Variants in TTC23 observed in about 807,000 individuals in gnomAD.
The protein encoded by TTC23 is tetratricopeptide repeat protein 23.
TTC23 carries 58 observed loss-of-function variants against 55.1 expected under a neutral mutation model. The observed-to-expected ratio is 1.05, with a 90% CI of 0.85 to 1.31. TTC23 has a LOEUF of 1.31. Ranked by LOEUF, TTC23 falls within the 50% of genes most tolerant of loss-of-function variation. The pLI is 0.00. For synonymous variants in TTC23, 203 were observed against 199.9 expected (o/e 1.02, Z -0.13); for missense variants, 516 against 534.4 (o/e 0.97, Z 0.34).
chr15:99,209,688 CA>C (rs2076885954), intron 8 of TTC23, among the ~76,000 whole-genome samples: 1 of 152,084 alleles, frequency 6.6e-6, no homozygotes, highest in African/African-American at 2.4e-5. Context: ...AAAAGCCTGA[CA>C]CAGAAGGTGG....
intron 9 of TTC23, among the ~76,000 whole-genome samples, chr15:99,190,028 A>C (rs2075093841): frequency 1.3e-5 from 2 of 152,016 alleles, no homozygotes; most frequent in Non-Finnish European, 2.9e-5. Flanking sequence ...AAAATATACA[A>C]AAATTAGCTG....
In TTC23 at chr15:99,137,497, C is replaced by CT. The variant is rs2067685500; in HGVS notation, c.*512dup. On this transcript the variant is annotated 3_prime_UTR_variant, in exon 14 of 14. Transcript: ENST00000394132. ...ACCCCTTTTCAGGCTCCGAAGAACT[C>CT]TGAGGCAGGCTGCACTTTGAAAACA... 6.6e-6 allele frequency: 1 copy of CT among 152,472 alleles called. No individual in the cohort carries two copies. Among genetic ancestry groups the CT allele is most frequent in the Non-Finnish European group, 1.5e-5 (1 of 68,204 alleles). 9.4% of individuals were successfully genotyped at this position (152,472 alleles called of 1,614,324 possible). A position where few individuals can be genotyped will look rare whatever the true frequency, so the allele number is the denominator to read the frequency against.
chr15:99,234,402 G>A (rs759781461), intron 4 of TTC23, among the ~76,000 whole-genome samples: 20 of 152,034 alleles, frequency 1.3e-4, no homozygotes, highest in Non-Finnish European at 2.5e-4. Flanking sequence ...ACGGAGTCTC[G>A]CTCTGTCGCC....
intron 12 of TTC23, chr15:99,155,818 T>C (rs140542901): frequency 1.4e-5 from 5 of 365,444 alleles, no homozygotes; most frequent in African/African-American, 8.2e-5. Flanking sequence ...AGAATGACAA[T>C]TGAAGAAAGT....
chr15:99,217,601 G>A (rs1391505010), intron 8 of TTC23, among the ~76,000 whole-genome samples: 1 of 152,186 alleles, frequency 6.6e-6, no homozygotes, highest in Non-Finnish European at 1.5e-5. Context: ...CGGAGATGAA[G>A]GGAAAAATTA....
chr15:99,144,669 T>C (rs548974523), intron 12 of TTC23: 2 of 152,294 alleles, frequency 1.3e-5, no homozygotes, highest in Non-Finnish European at 2.9e-5. Context: ...GACTCCATAA[T>C]AGAAAATTGA....
chr15:99,207,395 A>T (rs2076709104), intron 8 of TTC23, among the ~76,000 whole-genome samples: 1 of 152,218 alleles, frequency 6.6e-6, no homozygotes, highest in African/African-American at 2.4e-5. Context: ...AATTCACAGA[A>T]CAAGAATTCC....
chr15:99,184,415 C>A (rs2074468473), intron 9 of TTC23, among the ~76,000 whole-genome samples: 1 of 152,218 alleles, frequency 6.6e-6, no homozygotes, highest in African/African-American at 2.4e-5. Context: ...GGCAGAGCTG[C>A]TGAAGGCCCT....
intron 8 of TTC23, among the ~76,000 whole-genome samples, chr15:99,201,485 TA>T (rs1176481477): frequency 6.6e-6 from 1 of 152,178 alleles, no homozygotes; most frequent in East Asian, 1.9e-4. Flanking sequence ...AAATAGGTAT[TA>T]TTTTCACCTC....
intron 8 of TTC23, among the ~76,000 whole-genome samples, chr15:99,206,494 G>C (rs2076639496): frequency 6.6e-6 from 1 of 151,998 alleles, no homozygotes; most frequent in Admixed American, 6.6e-5. Context: ...GTTACTTATT[G>C]GTTTATTCAG....
chr15:99,232,768 C>A (rs1236694213), intron 4 of TTC23, among the ~76,000 whole-genome samples: 1 of 152,110 alleles, frequency 6.6e-6, no homozygotes, highest in Non-Finnish European at 1.5e-5. Flanking sequence ...ACCATATGAT[C>A]CATGAATCCC....
chr15:99,243,910 T>C (rs1449526097), intron 2 of TTC23, among the ~76,000 whole-genome samples: 3 of 152,164 alleles, frequency 2.0e-5, no homozygotes, highest in Non-Finnish European at 4.4e-5. Context: ...TAGTACTTGA[T>C]ATCACAACAG....
At chr15:99,243,231 C>T (rs2079959395) in intron 2 of TTC23, among the ~76,000 whole-genome samples, 1 of 152,128 alleles carries the variant, frequency 6.6e-6, no homozygotes, top group South Asian at 2.1e-4. Context: ...ATGCAAATAA[C>T]CAACAAGTAT....
chr15:99,180,727 C>G (rs1467871071), intron 9 of TTC23, among the ~76,000 whole-genome samples: 5 of 152,088 alleles, frequency 3.3e-5, no homozygotes, highest in Non-Finnish European at 7.3e-5. Context: ...ATATATTTTC[C>G]CCCCACTTTG....
Position 99,172,020 on chromosome 15 carries a change from A to ATT in TTC23, c.865+3028_865+3029dup, listed in dbSNP as rs368669705. The stretch of plus-strand genomic sequence containing the variant: ...TACCCATCTACTTTATGTTTCTCAC[A>ATT]TTTTTTTTTTTTTTGGAGACAGAGT... On this transcript the variant is annotated intron_variant, in intron 10 of 13. Transcript: ENST00000394132. Among the ~76,000 whole-genome samples the ATT allele has an allele frequency of 5.8e-5, 8 of 138,896 alleles. 1 individual carries two copies. The highest frequency in any genetic ancestry group is 7.8e-5 in the African/African-American group (3 of 38,500). 91.1% of individuals were successfully genotyped at this position (138,896 alleles called of 152,430 possible). A position where few individuals can be genotyped will look rare whatever the true frequency, so the allele number is the denominator to read the frequency against.
In TTC23 at chr15:99,137,807, C is replaced by T; in HGVS notation, c.*203G>A. The T allele has an allele frequency of 1.3e-6, 1 of 761,622 alleles. No individual in the cohort carries two copies. Among genetic ancestry groups the T allele is most frequent in the Non-Finnish European group, 2.0e-6 (1 of 494,152 alleles). 47.2% of individuals were successfully genotyped at this position (761,622 alleles called of 1,614,324 possible). A position where few individuals can be genotyped will look rare whatever the true frequency, so the allele number is the denominator to read the frequency against. On this transcript the variant is annotated 3_prime_UTR_variant, in exon 14 of 14. Transcript: ENST00000394132. Reference sequence around the variant, plus strand: ...TAGGTGATAGAAAACTGCTTTATAGCATATATCACCCTGAAGGGCATCCAC... The same window carrying T: ...TAGGTGATAGAAAACTGCTTTATAGTATATATCACCCTGAAGGGCATCCAC...
At chr15:99,228,829 A>T (rs2078684981) in intron 4 of TTC23, 97 bp from the exon 5 acceptor site, 1 of 983,310 alleles carries the variant, frequency 1.0e-6, no homozygotes, top group Non-Finnish European at 1.4e-6. Flanking sequence ...TTTCTTTGAA[A>T]TTAGTAGCAT....
At chr15:99,237,846 A>G (rs2079448486) in intron 3 of TTC23, among the ~76,000 whole-genome samples, 1 of 152,214 alleles carries the variant, frequency 6.6e-6, no homozygotes, top group Admixed American at 6.5e-5. Flanking sequence ...GCTAAAAATC[A>G]TATATATAGA....
intron 5 of TTC23, among the ~76,000 whole-genome samples, chr15:99,226,155 A>G (rs950623015): frequency 1.3e-5 from 2 of 152,238 alleles, no homozygotes; most frequent in African/African-American, 4.8e-5. Context: ...TCTATTTAAC[A>G]TGAATTCACA....
Sources: gnomAD v4.1 joint callset for allele counts (sites outside exome capture counted in the v4.1 genomes callset) on GRCh38, gnomAD v4.1.1 for gene constraint, MANE v1.5 for transcripts, NCBI Gene and HGNC (gene_info 2026-07-23, HGNC 2026-07-21) for gene names.